Variants in PSD3 observed in about 807,000 individuals in gnomAD.
The protein encoded by PSD3 is pleckstrin and Sec7 domain containing 3, also known as PH and SEC7 domain-containing protein 3.
A neutral mutation model predicts 105.5 loss-of-function variants in PSD3; 49 were observed. The ratio of observed to expected loss-of-function variants is 0.46; its 90% CI spans 0.37 to 0.59. PSD3 has a LOEUF of 0.59. Among genes scored for constraint, PSD3 ranks in the 20% least tolerant of loss-of-function variants. PSD3 has a pLI of 0.00. For missense variants in PSD3, 1,561 were observed against 1,263.8 expected, an observed-to-expected ratio of 1.24 and a Z score of -3.57; for synonymous variants, 557 against 457.8, an observed-to-expected ratio of 1.22 and a Z score of -2.77.
chr8:18,793,948 C>CATTAAATTTTTAAAATAATTTTTA (rs1809992597), intron 8 of PSD3, among the ~76,000 whole-genome samples: 4 of 99,532 alleles, frequency 4.0e-5, no homozygotes, highest in African/African-American at 1.2e-4. Flanking sequence ...CAATATGAAG[C>CATTAAATTTTTAAAATAATTTTTA]TGTGGGGAAA....
intron 12 of PSD3, among the ~76,000 whole-genome samples, chr8:18,599,076 G>T (rs531845345): frequency 6.6e-6 from 1 of 152,040 alleles, no homozygotes; most frequent in South Asian, 2.1e-4. Flanking sequence ...AATCATAAAA[G>T]ACTCTGAATC....
intron 11 of PSD3, among the ~76,000 whole-genome samples, chr8:18,624,750 C>A (rs944432011): frequency 2.6e-5 from 4 of 151,366 alleles, no homozygotes; most frequent in East Asian, 3.9e-4. Flanking sequence ...TACCATGGAT[C>A]CTAATCCTTT....
intron 2 of PSD3, among the ~76,000 whole-genome samples, chr8:18,916,313 TATATA>T (rs1820586858): frequency 2.3e-4 from 5 of 21,426 alleles, no homozygotes. Flanking sequence ...TATATATATA[TATATA>T]TATATATATA....
intron 11 of PSD3, among the ~76,000 whole-genome samples, chr8:18,607,436 C>G (rs1804923539): frequency 6.6e-6 from 1 of 152,182 alleles, no homozygotes; most frequent in South Asian, 2.1e-4. Context: ...TAACCTCCAT[C>G]TCACAGATGT....
At chr8:18,844,053 C>A (rs1814873276) in intron 4 of PSD3, among the ~76,000 whole-genome samples, 1 of 151,930 alleles carries the variant, frequency 6.6e-6, no homozygotes, top group Non-Finnish European at 1.5e-5. Flanking sequence ...AGTTCTGGTC[C>A]CACAAGACAG....
At chr8:19,039,454 C>T (rs1828052809) in intron 1 of PSD3, among the ~76,000 whole-genome samples, 1 of 152,200 alleles carries the variant, frequency 6.6e-6, no homozygotes. Flanking sequence ...TCATCTCCTC[C>T]TCCTGACTCT....
chr8:18,688,003 A>G (rs1047427733), intron 9 of PSD3, among the ~76,000 whole-genome samples: 2 of 152,100 alleles, frequency 1.3e-5, no homozygotes, highest in Non-Finnish European at 2.9e-5. Flanking sequence ...TCCTAACCTC[A>G]GGTAATCCAC....
chr8:18,781,771 T>C lies in PSD3; in HGVS notation c.2083-16233A>G, dbSNP rs142643424. On this transcript the variant is annotated intron_variant, in intron 8 of 15. Transcript: ENST00000327040. The stretch of plus-strand genomic sequence containing the variant: ...TTCCAAGACTTGAGAAGTTTTTACC[T>C]ATTATTTCGTTAAATGGGTTTTCTA... Among the ~76,000 whole-genome samples, 874 of 152,330 alleles carry C rather than the reference T, an allele frequency of 5.7e-3. 7 individuals are homozygous for C. The highest frequency in any genetic ancestry group is 9.3e-3 in the Non-Finnish European group (632 of 68,028).
intron 1 of PSD3, among the ~76,000 whole-genome samples, chr8:19,061,595 C>T (rs966153459): frequency 2.0e-5 from 3 of 152,026 alleles, no homozygotes; most frequent in East Asian, 1.9e-4. Context: ...ATCAAGAGGT[C>T]AGGAGTTCAA....
chr8:19,074,584 G>GATATACAT (rs1554578613), intron 1 of PSD3, among the ~76,000 whole-genome samples: 1 of 99,536 alleles, frequency 1.0e-5, no homozygotes. Flanking sequence ...TTACAACTCA[G>GATATACAT]ATATATACAT....
At chr8:18,802,472 G>T in intron 6 of PSD3, 1 of 224,594 alleles carries the variant, frequency 4.5e-6, no homozygotes, top group Non-Finnish European at 9.6e-6. Context: ...CCTTATTATA[G>T]GTATAATTAA....
intron 2 of PSD3, among the ~76,000 whole-genome samples, chr8:18,898,192 T>C (rs1356985090): frequency 6.6e-6 from 1 of 152,226 alleles, no homozygotes; most frequent in East Asian, 1.9e-4. Flanking sequence ...TATCTGATGC[T>C]TAGAGGGGTG....
chr8:18,966,569 A>T (rs1488795534), intron 1 of PSD3, among the ~76,000 whole-genome samples: 2,472 of 17,554 alleles, frequency 0.14, 29 homozygotes, highest in Non-Finnish European at 0.25. Flanking sequence ...AGACTGTCTT[A>T]AAAAAAAAAA....
At chr8:18,629,045 TAGAA>T (rs1476530638) in intron 11 of PSD3, among the ~76,000 whole-genome samples, 3 of 151,800 alleles carry the variant, frequency 2.0e-5, no homozygotes, top group Admixed American at 6.6e-5. Context: ...TTCCATATAA[TAGAA>T]AGCAATTTTA....
intron 1 of PSD3, among the ~76,000 whole-genome samples, chr8:19,059,194 G>C (rs1470371982): frequency 6.6e-6 from 1 of 152,196 alleles, no homozygotes; most frequent in Non-Finnish European, 1.5e-5. Flanking sequence ...ATAACACCCA[G>C]TTGTGGGTGA....
At position 19,013,632 on chromosome 8, in the gene PSD3, G is replaced by T. The variant is rs746875277; in HGVS notation, c.-49C>A. On this transcript the variant is annotated 5_prime_UTR_variant, in exon 1 of 16. Transcript: ENST00000327040. ...CGCCGAAACCGCCGCCGGGCGCTCCGGGGCCGCAGCCTCAGGGCGCGAGTG... is the reference window on the plus strand; with the variant it reads ...CGCCGAAACCGCCGCCGGGCGCTCCTGGGCCGCAGCCTCAGGGCGCGAGTG... The T allele has an allele frequency of 1.5e-6, 2 of 1,331,474 alleles. No homozygotes were observed. Among genetic ancestry groups the T allele is most frequent in the Admixed American group, 8.1e-5 (2 of 24,638 alleles). The allele number at this position is 1,331,474 out of a possible 1,614,324, so 82.5% of individuals were successfully genotyped here. A position where few individuals can be genotyped will look rare whatever the true frequency, so the allele number is the denominator to read the frequency against.
At chr8:18,773,528 T>G (rs1807746826) in intron 8 of PSD3, among the ~76,000 whole-genome samples, 1 of 152,206 alleles carries the variant, frequency 6.6e-6, no homozygotes. Flanking sequence ...ATTGAGATTT[T>G]GATAGTAATC....
intron 11 of PSD3, among the ~76,000 whole-genome samples, chr8:18,627,185 C>T (rs144380696): frequency 8.5e-5 from 13 of 152,074 alleles, no homozygotes; most frequent in South Asian, 2.1e-4. Context: ...GAAAGAGTCT[C>T]GGTTCCAACA....
Position 18,527,598 on chromosome 8 carries a change from G to T in PSD3, c.*8145C>A, listed in dbSNP as rs1243471484. The stretch of plus-strand genomic sequence containing the variant: ...TTTACTTGAACAACAGTGAAATAGG[G>T]TAATATTTATATACAACTATTTTAA... On this transcript the variant is annotated 3_prime_UTR_variant, in exon 16 of 16. Transcript: ENST00000327040. 6.6e-5 allele frequency: 10 copies of T among 152,508 alleles called. No homozygotes were observed. Among genetic ancestry groups the T allele is most frequent in the Admixed American group, 6.5e-4 (10 of 15,274 alleles). 9.4% of individuals were successfully genotyped at this position (152,508 alleles called of 1,614,324 possible).
Sources: gnomAD v4.1 joint callset for allele counts (sites outside exome capture counted in the v4.1 genomes callset) on GRCh38, gnomAD v4.1.1 for gene constraint, MANE v1.5 for transcripts, NCBI Gene and HGNC (gene_info 2026-07-23, HGNC 2026-07-21) for gene names.